Variants in MYO10 observed in about 807,000 individuals in gnomAD.
The protein encoded by MYO10 is myosin X.
MYO10 carries 133 observed loss-of-function variants against 257.3 expected under a neutral mutation model. The observed-to-expected ratio is 0.52, with a 90% confidence interval of 0.45 to 0.60. MYO10 has a LOEUF of 0.60. MYO10 is among the 20% of genes least tolerant of loss of function. MYO10 has a pLI of 0.00. For missense variants in MYO10, 2,399 were observed against 2,635.7 expected (o/e 0.91, Z 1.97); for synonymous variants, 1,104 against 1,028.6 (o/e 1.07, Z -1.40).
At chr5:16,811,725 A>G (rs1000001476) in intron 3 of MYO10, among the ~76,000 whole-genome samples, 3 of 152,038 alleles carry the variant, frequency 2.0e-5, no homozygotes, top group Non-Finnish European at 4.4e-5. Flanking sequence ...AATTTTTGCA[A>G]TCTTTTGTAG....
chr5:16,726,480 T>G (rs1164811080), intron 19 of MYO10, among the ~76,000 whole-genome samples: 1 of 152,196 alleles, frequency 6.6e-6, no homozygotes, highest in Non-Finnish European at 1.5e-5. Flanking sequence ...TACAGATGCA[T>G]AACCTGAAGT....
chr5:16,755,307 A>G (rs1319265234), intron 18 of MYO10, among the ~76,000 whole-genome samples: 1 of 152,172 alleles, frequency 6.6e-6, no homozygotes, highest in African/African-American at 2.4e-5. Context: ...CTGGGACTAC[A>G]GGCGCCCGCC....
At chr5:16,693,939 A>G (rs750718635) in intron 27 of MYO10, among the ~76,000 whole-genome samples, 8 of 152,202 alleles carry the variant, frequency 5.3e-5, no homozygotes, top group Non-Finnish European at 4.4e-5. Context: ...ATAACAGAAG[A>G]GAAGTGATTT....
chr5:16,705,375 A>G (rs1216851612), intron 21 of MYO10, among the ~76,000 whole-genome samples: 1 of 152,230 alleles, frequency 6.6e-6, no homozygotes, highest in Admixed American at 6.5e-5. Context: ...ATGTCTGAGA[A>G]TGGACACGTC....
intron 2 of MYO10, among the ~76,000 whole-genome samples, chr5:16,876,180 C>A (rs1022945065): frequency 6.6e-6 from 1 of 152,070 alleles, no homozygotes; most frequent in Non-Finnish European, 1.5e-5. Flanking sequence ...ATTTGACTAT[C>A]TTTTATTTCC....
chr5:16,891,378 A>C, intron 1 of MYO10, among the ~76,000 whole-genome samples: 1 of 96,478 alleles, frequency 1.0e-5, no homozygotes, highest in African/African-American at 4.9e-5. Flanking sequence ...GAAGGAAGGA[A>C]GGAGAGAGAG....
chr5:16,732,072 G>A (rs887204288), intron 19 of MYO10, among the ~76,000 whole-genome samples: 1 of 152,150 alleles, frequency 6.6e-6, no homozygotes, highest in Non-Finnish European at 1.5e-5. Context: ...GGAAGGGTGA[G>A]AGATAAAGCT....
chr5:16,817,069 C>T (rs1265467196), intron 3 of MYO10, among the ~76,000 whole-genome samples: 4 of 152,270 alleles, frequency 2.6e-5, no homozygotes, highest in Admixed American at 1.3e-4. Flanking sequence ...CCGCCCACCT[C>T]GGCCTCACAA....
chr5:16,916,956 T>C (rs1469343659), intron 1 of MYO10, among the ~76,000 whole-genome samples: 1 of 149,832 alleles, frequency 6.7e-6, no homozygotes, highest in East Asian at 2.0e-4. Context: ...CTTCAATCTT[T>C]CTTTCATCTC....
chr5:16,825,516 T>C (rs1008872168), intron 2 of MYO10, among the ~76,000 whole-genome samples: 1 of 152,206 alleles, frequency 6.6e-6, no homozygotes, highest in Non-Finnish European at 1.5e-5. Context: ...CTATATTTTA[T>C]ATCCTATTTC....
At chr5:16,815,510 A>G in intron 3 of MYO10, 1 of 691,996 alleles carries the variant, frequency 1.4e-6, no homozygotes, top group Non-Finnish European at 2.6e-6. Flanking sequence ...CCAGGTTCAC[A>G]TTTTATCAAC....
intron 3 of MYO10, among the ~76,000 whole-genome samples, chr5:16,809,111 T>C (rs1742359421): frequency 6.6e-6 from 1 of 151,874 alleles, no homozygotes; most frequent in Admixed American, 6.6e-5. Context: ...TTAAAATACA[T>C]ATAGTCAGAC....
At chr5:16,800,099 T>C (rs1164849474) in intron 3 of MYO10, among the ~76,000 whole-genome samples, 1 of 152,190 alleles carries the variant, frequency 6.6e-6, no homozygotes, top group Non-Finnish European at 1.5e-5. Context: ...AAGATGTTAA[T>C]CATGGCCAAT....
At chr5:16,744,137 G>A (rs1740104298) in intron 19 of MYO10, among the ~76,000 whole-genome samples, 1 of 152,196 alleles carries the variant, frequency 6.6e-6, no homozygotes, top group South Asian at 2.1e-4. Context: ...ACTTAAGAGA[G>A]AAAAGGTCTT....
chr5:16,830,679 GCACACACA>G (rs1554000807), intron 2 of MYO10, among the ~76,000 whole-genome samples: 1 of 148,920 alleles, frequency 6.7e-6, no homozygotes, highest in Admixed American at 6.7e-5. Context: ...TTTTTAATAG[GCACACACA>G]CACACACACA....
chr5:16,678,200 T>A (rs1294603367), intron 33 of MYO10, among the ~76,000 whole-genome samples: 1 of 152,180 alleles, frequency 6.6e-6, no homozygotes, highest in Non-Finnish European at 1.5e-5. Flanking sequence ...AAAATAAATT[T>A]TTTAAGGCTA....
At chr5:16,926,264 G>A (rs1235037736) in intron 1 of MYO10, among the ~76,000 whole-genome samples, 1 of 152,118 alleles carries the variant, frequency 6.6e-6, no homozygotes, top group East Asian at 1.9e-4. Flanking sequence ...AAAATACTTT[G>A]TAGTACTTCT....
At position 16,851,864 on chromosome 5, in the gene MYO10, A is replaced by G. The variant is rs546468979; in HGVS notation, c.120+25745T>C. ...TCAGGAGTTAGAGACCAGCCTGGCC[A>G]ACATGATGAAACCCTGTCCGTACTA... On this transcript the variant is annotated intron_variant, in intron 2 of 40. Transcript: ENST00000513610. Among the ~76,000 whole-genome samples, 19 of 152,104 alleles carry G rather than the reference A, an allele frequency of 1.2e-4. No homozygotes were observed. The East Asian group carries it at 3.5e-3, about 28-fold the overall frequency.
intron 21 of MYO10, among the ~76,000 whole-genome samples, chr5:16,709,196 A>G (rs540782136): frequency 3.9e-4 from 59 of 152,338 alleles, no homozygotes; most frequent in South Asian, 4.1e-4. Context: ...AGGAATGTCA[A>G]AAAAGGAGTC....
Sources: gnomAD v4.1 joint callset for allele counts (sites outside exome capture counted in the v4.1 genomes callset) on GRCh38, gnomAD v4.1.1 for gene constraint, MANE v1.5 for transcripts, NCBI Gene and HGNC (gene_info 2026-07-23, HGNC 2026-07-21) for gene names.